The following CSGALNACT1 variants were observed in gnomAD, a reference collection of about 807,000 sequenced individuals.
CSGALNACT1 encodes beta4GalNAcT-1.
Under a neutral mutation model 51.0 loss-of-function variants are expected in CSGALNACT1, and 52 were observed. That is an observed-to-expected ratio of 1.02 (90% CI 0.82 to 1.29). The LOEUF (loss-of-function observed/expected upper bound fraction) is 1.29, where lower values mean the gene tolerates loss of function less well. CSGALNACT1 is among the 50% of genes most tolerant of loss of function. CSGALNACT1 has a pLI of 0.00. For missense variants in CSGALNACT1, 935 were observed against 679.2 expected (o/e 1.38, Z -4.19); for synonymous variants, 341 against 254.4 (o/e 1.34, Z -3.24).
At chr8:19,532,503 C>T (rs898344763) in intron 3 of CSGALNACT1, among the ~76,000 whole-genome samples, 5 of 152,198 alleles carry the variant, frequency 3.3e-5, no homozygotes, top group Non-Finnish European at 7.3e-5. Flanking sequence ...AGCTCCCTAA[C>T]CAGTCTTCCC....
upstream of CSGALNACT1, among the ~76,000 whole-genome samples, chr8:19,683,884 G>A (rs974179236): frequency 9.2e-5 from 14 of 152,146 alleles, no homozygotes; most frequent in African/African-American, 2.7e-4. Flanking sequence ...TATGTAGTAA[G>A]GCCAGGAGTG....
intron 4 of CSGALNACT1, among the ~76,000 whole-genome samples, chr8:19,474,332 T>A (rs1183373886): frequency 2.0e-5 from 3 of 152,164 alleles, no homozygotes; most frequent in African/African-American, 7.2e-5. Flanking sequence ...ATAAAGAAAG[T>A]TGGAAACTAT....
At chr8:19,644,759 C>T (rs2057106159) in intron 1 of CSGALNACT1, among the ~76,000 whole-genome samples, 1 of 147,218 alleles carries the variant, frequency 6.8e-6, no homozygotes, top group African/African-American at 2.5e-5. Context: ...CTAGTCATCT[C>T]ATCAAGCCAA....
upstream of CSGALNACT1, among the ~76,000 whole-genome samples, chr8:19,604,346 G>T (rs1291728311): frequency 6.6e-6 from 1 of 152,174 alleles, no homozygotes; most frequent in Non-Finnish European, 1.5e-5. Flanking sequence ...CATCCATAAT[G>T]TGTCCATACA....
chr8:19,624,852 T>C (rs892168057), intron 1 of CSGALNACT1, among the ~76,000 whole-genome samples: 14 of 152,104 alleles, frequency 9.2e-5, no homozygotes, highest in African/African-American at 3.4e-4. Context: ...CTAATTTTTC[T>C]ATTTTTAGTA....
intron 3 of CSGALNACT1, among the ~76,000 whole-genome samples, chr8:19,533,074 A>G (rs1051809508): frequency 6.6e-6 from 1 of 152,072 alleles, no homozygotes; most frequent in Non-Finnish European, 1.5e-5. Context: ...TTTCTACTGT[A>G]TATTCTATCC....
rs1221641677 is a variant in CSGALNACT1 at position 19,757,063 on chromosome 8, C to A, written c.-297+787G>T. 7 of 150,518 alleles carry A rather than the reference C, an allele frequency of 4.7e-5. No individual in the cohort carries two copies. Among genetic ancestry groups the A allele is most frequent in the African/African-American group, 1.7e-4 (7 of 41,254 alleles). 9.3% of individuals were successfully genotyped at this position (150,518 alleles called of 1,614,324 possible). On this transcript the variant is annotated intron_variant, in intron 1 of 1. Transcript: ENST00000517494. This position sits in a 1 kb window ranked among gnomAD's most constrained non-coding sequence, Gnocchi z 4.0. ...CCGTCCTCCGCAGCTGCACGAGCCA[C>A]CCCGAGGTCGCGGGGTGGGCGGGCG...
chr8:19,743,258 A>C (rs2064429332), intron 1 of CSGALNACT1, among the ~76,000 whole-genome samples: 2 of 152,172 alleles, frequency 1.3e-5, no homozygotes, highest in African/African-American at 4.8e-5. Context: ...AAACGTATGG[A>C]GTGGAAGCTT....
At chr8:19,489,540 T>G (rs976880937) in intron 4 of CSGALNACT1, among the ~76,000 whole-genome samples, 1 of 152,170 alleles carries the variant, frequency 6.6e-6, no homozygotes, top group African/African-American at 2.4e-5. Context: ...CAACAAACAT[T>G]TAATCAACGT....
intron 1 of CSGALNACT1, among the ~76,000 whole-genome samples, chr8:19,723,375 T>C (rs1589701369): frequency 6.6e-6 from 1 of 152,230 alleles, no homozygotes; most frequent in East Asian, 1.9e-4. Context: ...TTAGAAAGTG[T>C]AATTACACTT....
intron 1 of CSGALNACT1, among the ~76,000 whole-genome samples, chr8:19,647,357 T>C (rs148383879): frequency 1.9e-3 from 295 of 152,302 alleles, no homozygotes; most frequent in African/African-American, 6.9e-3. Flanking sequence ...TTCAAGGATG[T>C]ATTGAGTTGG....
At chr8:19,544,883 A>G (rs998961292) in intron 3 of CSGALNACT1, among the ~76,000 whole-genome samples, 1 of 152,236 alleles carries the variant, frequency 6.6e-6, no homozygotes, top group Non-Finnish European at 1.5e-5. Context: ...AGAAGACAAC[A>G]AAGGAAGAGG....
chr8:19,487,757 T>A (rs557452060), intron 4 of CSGALNACT1, among the ~76,000 whole-genome samples: 1 of 152,220 alleles, frequency 6.6e-6, no homozygotes, highest in South Asian at 2.1e-4. Context: ...ATGCCATCCA[T>A]CTTCTAATAG....
intron 3 of CSGALNACT1, among the ~76,000 whole-genome samples, chr8:19,545,441 G>C (rs144082473): frequency 6.6e-6 from 1 of 152,236 alleles, no homozygotes; most frequent in Non-Finnish European, 1.5e-5. Flanking sequence ...TATAACTTTT[G>C]TCTTTGATAA....
intron 1 of CSGALNACT1, among the ~76,000 whole-genome samples, chr8:19,703,755 T>C (rs1564449084): frequency 6.6e-6 from 1 of 152,210 alleles, no homozygotes. Flanking sequence ...GATACAAAGT[T>C]ATCAGATTCA....
At chr8:19,691,189 T>C (rs1443401790) in intron 1 of CSGALNACT1, among the ~76,000 whole-genome samples, 5 of 152,228 alleles carry the variant, frequency 3.3e-5, no homozygotes, top group Non-Finnish European at 7.4e-5. Context: ...AGAAAACAGA[T>C]AGGTCTGAGT....
At chr8:19,550,961 G>C (rs972059149) in intron 3 of CSGALNACT1, among the ~76,000 whole-genome samples, 3 of 152,156 alleles carry the variant, frequency 2.0e-5, no homozygotes, top group African/African-American at 7.2e-5. Context: ...CCAGACACGT[G>C]GTTAGAATGG....
chr8:19,641,084 C>T (rs553610029), intron 1 of CSGALNACT1, among the ~76,000 whole-genome samples: 1 of 151,126 alleles, frequency 6.6e-6, no homozygotes, highest in African/African-American at 2.4e-5. Context: ...TCAAGTCTCC[C>T]AGGGATGCGG....
At chr8:19,535,701 A>G (rs190583947) in intron 3 of CSGALNACT1, among the ~76,000 whole-genome samples, 18 of 152,302 alleles carry the variant, frequency 1.2e-4, no homozygotes, top group Admixed American at 1.0e-3. Context: ...GTAATACACC[A>G]TATTAGCAAG....
Sources: gnomAD v4.1 joint callset for allele counts (sites outside exome capture counted in the v4.1 genomes callset) on GRCh38, gnomAD v4.1.1 for gene constraint, Gnocchi (gnomAD v3.1) non-coding constraint, MANE v1.5 for transcripts, NCBI Gene and HGNC (gene_info 2026-07-23, HGNC 2026-07-21) for gene names.